The following LPIN3 variants were observed in gnomAD, a reference collection of about 807,000 sequenced individuals.
LPIN3 encodes phosphatidate phosphatase LPIN3.
LPIN3 carries 82 observed loss-of-function variants against 94.7 expected under a neutral mutation model. The ratio of observed to expected loss-of-function variants is 0.87; its 90% CI spans 0.72 to 1.04. LPIN3 has a LOEUF of 1.04. Ranked by LOEUF, LPIN3 falls within the 50% of genes least tolerant of loss-of-function variation. LPIN3 has a pLI of 0.00. For missense variants in LPIN3, 996 were observed against 1,090.5 expected (o/e 0.91, Z 1.22); for synonymous variants, 418 against 443.3 (o/e 0.94, Z 0.72).
At chr20:41,344,885 A>G (rs1387381822) in intron 1 of LPIN3, among the ~76,000 whole-genome samples, 2 of 152,216 alleles carry the variant, frequency 1.3e-5, no homozygotes, top group Non-Finnish European at 2.9e-5. Context: ...CGCTGGGGTC[A>G]GGCTGTGCAT....
chr20:41,343,868 T>C (rs2045674184), intron 1 of LPIN3, among the ~76,000 whole-genome samples: 1 of 152,170 alleles, frequency 6.6e-6, no homozygotes. Flanking sequence ...GAGACCAACG[T>C]GGGCAACATA....
chr20:41,351,945 T>A, intron 8 of LPIN3, 25 bp downstream of exon 8: 5 of 1,613,732 alleles, frequency 3.1e-6, no homozygotes, highest in Non-Finnish European at 4.2e-6. Flanking sequence ...GATGCCAGGG[T>A]GTCTTGGGTC....
chr20:41,356,233 A>G (rs2046204877), intron 14 of LPIN3, among the ~76,000 whole-genome samples, 199 bp downstream of exon 14: 1 of 152,158 alleles, frequency 6.6e-6, no homozygotes, highest in Non-Finnish European at 1.5e-5. Context: ...ATGACAGCCC[A>G]TTTGTCTGTC....
chr20:41,357,293 G>C (rs2046244236), intron 15 of LPIN3, 68 bp from the exon 16 acceptor site: 1 of 1,600,918 alleles, frequency 6.2e-7, no homozygotes, highest in African/African-American at 1.3e-5. Context: ...CTTCCTGGTG[G>C]GCCATCCTGG....
chr20:41,358,749 GCTC>G lies in LPIN3; in HGVS notation c.2443_2445del (p.Leu815del). 6.2e-7 allele frequency: 1 copy of G among 1,614,020 alleles called. No homozygotes were observed. Reference sequence around the variant, plus strand: ...ATGAGCGGCTTGGTGAAGTGGTCGAGCTCCTCTTCCCACCTGTGGCCCGTGGCC... The same window carrying G: ...ATGAGCGGCTTGGTGAAGTGGTCGAGCTCTTCCCACCTGTGGCCCGTGGCC... On this transcript the variant is annotated inframe_deletion, in exon 20 of 20. Coordinates refer to ENST00000373257, the MANE Select transcript of LPIN3 (RefSeq NM_022896.3).
Position 41,349,160 on chromosome 20 carries a change from C to A in LPIN3, c.626C>A (p.Pro209His), listed in dbSNP as rs759374029. Residue 209 changes from proline to histidine, a missense_variant, in exon 5 of 20, where the codon CCC (proline) becomes CAC (histidine). Transcript: ENST00000373257. ...DIYPYSDGEW[P>H]PQASLSAGEL... ...TACCCCTACTCGGATGGCGAGTGGC[C>A]CCCCCAGGCCAGGTAAGAGTCCAGG... 1 of 1,613,942 alleles carries A rather than the reference C, an allele frequency of 6.2e-7. No homozygotes were observed. The highest frequency in any genetic ancestry group is 8.5e-7 in the Non-Finnish European group (1 of 1,179,922).
chr20:41,354,969 GT>G (rs201790173), intron 13 of LPIN3, 106 bp downstream of exon 13: 94,739 of 826,334 alleles, frequency 0.11, 5,461 homozygotes, highest in East Asian at 0.52. Context: ...CCAGCTGTGG[GT>G]TTTTTTTTTT....
chr20:41,352,556 G>A lies in LPIN3; in HGVS notation c.1364-50G>A, dbSNP rs568765027. ...GGAGCACCAGGGGGCTGGGGCAGCG[G>A]GTCACATGGGATGTGCCAGCCTCAC... is the stretch of plus-strand genomic sequence containing the variant. On this transcript the variant is annotated intron_variant, in intron 9 of 19. Coordinates refer to ENST00000373257, the MANE Select transcript of LPIN3 (RefSeq NM_022896.3). The A allele has an allele frequency of 3.2e-4, 484 of 1,509,702 alleles. 5 individuals carry two copies. In the South Asian group the frequency reaches 5.1e-3, roughly 16 times the overall value. The allele number at this position is 1,509,702 out of a possible 1,614,324, so 93.5% of individuals were successfully genotyped here.
chr20:41,350,634 G>T (rs1264463580), intron 7 of LPIN3, among the ~76,000 whole-genome samples: 2 of 152,074 alleles, frequency 1.3e-5, no homozygotes, highest in African/African-American at 2.4e-5. Context: ...GTCAGAGAAG[G>T]CCCCTCCGAG....
chr20:41,348,811 T>G lies in LPIN3; in HGVS notation c.481T>G (p.Ser161Ala). 6.2e-7 allele frequency: 1 copy of G among 1,611,692 alleles called. No individual in the cohort carries two copies. The highest frequency in any genetic ancestry group is 8.5e-7 in the Non-Finnish European group (1 of 1,179,078). ...KQKEDAVATD[S>A]SPEELEAGAE... ...GAAAGAGGATGCAGTGGCAACTGAT[T>G]CTAGTCCAGAGGAACTGGAGGCAGG... Residue 161 changes from serine to alanine, a missense_variant, in exon 4 of 20, where the codon TCT becomes GCT. By Grantham distance (99) the Ser-to-Ala change is moderately conservative. Transcript: ENST00000373257.
In LPIN3 at chr20:41,354,509, C is replaced by A. The variant is rs556219469; in HGVS notation, c.1528-136C>A. 7.9e-4 allele frequency: 559 copies of A among 703,388 alleles called. No homozygotes were observed. In the African/African-American group the frequency reaches 9.0e-3, roughly 11 times the overall value. The allele number at this position is 703,388 out of a possible 1,614,324, so 43.6% of individuals were successfully genotyped here. ...GATGGAGGTGAGCACACTTCCTTGG[C>A]CTCCAGATGTTGACAGCACCTTACC... On this transcript the variant is annotated intron_variant, in intron 11 of 19. Coordinates refer to ENST00000373257, the MANE Select transcript of LPIN3 (RefSeq NM_022896.3).
At chr20:41,355,816 T>C (rs1600738091) in intron 13 of LPIN3, 80 bp from the exon 14 acceptor site, 1 of 1,562,372 alleles carries the variant, frequency 6.4e-7, no homozygotes, top group Non-Finnish European at 8.7e-7. Context: ...CGGGGACAGG[T>C]CCAGCCTCCT....
rs1278386713 is a variant in LPIN3 at position 41,352,079 on chromosome 20, A to G, written c.1222A>G (p.Arg408Gly). The G allele has an allele frequency of 1.2e-6, 2 of 1,614,116 alleles. No homozygotes were observed. Among genetic ancestry groups the G allele is most frequent in the African/African-American group, 2.7e-5 (2 of 74,946 alleles). Residue 408 changes from arginine to glycine, a missense_variant, in exon 9 of 20, where the codon AGA (arginine) becomes GGA (glycine). Coordinates refer to ENST00000373257, the MANE Select transcript of LPIN3 (RefSeq NM_022896.3). ...FPQSDSGLGA[R>G]RWSEPSSQKS... is the part of the protein sequence containing the mutation. Reference sequence around the variant, plus strand: ...CTGCAGTGACTCTGGGCTGGGGGCCAGAAGATGGAGTGAACCCAGCAGTCA... The same window carrying G: ...CTGCAGTGACTCTGGGCTGGGGGCCGGAAGATGGAGTGAACCCAGCAGTCA...
intron 10 of LPIN3, 32 bp downstream of exon 10, chr20:41,352,731 G>A (rs202069336): frequency 1.1e-5 from 18 of 1,611,034 alleles, no homozygotes; most frequent in Middle Eastern, 1.7e-4. Flanking sequence ...GCTGGCAGCC[G>A]GAGAGTCATT....
chr20:41,357,901 T>C lies in LPIN3; in HGVS notation c.2059T>C (p.Tyr687His). 2 of 1,614,140 alleles carry C rather than the reference T, an allele frequency of 1.2e-6. No homozygotes were observed. Among genetic ancestry groups the C allele is most frequent in the Admixed American group, 1.7e-5 (1 of 60,014 alleles). The part of the protein sequence containing the change: ...KIQLNGYKFL[Y>H]CSARAIGMAD... ...TCTCAGAAATGGGTACAAGTTCCTGTACTGCTCGGCGCGGGCCATTGGCAT... is the reference window on the plus strand; with the variant it reads ...TCTCAGAAATGGGTACAAGTTCCTGCACTGCTCGGCGCGGGCCATTGGCAT... The change falls in exon 17 of 20, where the codon TAC becomes CAC. Residue 687 changes from tyrosine to histidine, a missense_variant. Tyr to His is a moderately conservative substitution (Grantham distance 83). Coordinates refer to ENST00000373257, the MANE Select transcript of LPIN3 (RefSeq NM_022896.3).
rs11309750 is a variant in LPIN3, at chr20:41,351,078, CAAA to C, written c.1102+692_1102+694del. ...GCAATGTAGTGAGAACCCATCTCTA[CAAA>C]AAAAAAAAAATTTTTTTTTTAACTA... On this transcript the variant is annotated intron_variant, in intron 7 of 19. Coordinates refer to ENST00000373257, the MANE Select transcript of LPIN3 (RefSeq NM_022896.3). Among the ~76,000 whole-genome samples the C allele has an allele frequency of 5.3e-4, 74 of 139,354 alleles. 1 individual carries two copies. The highest frequency in any genetic ancestry group is 1.7e-3 in the African/African-American group (64 of 38,206). 91.4% of individuals were successfully genotyped at this position (139,354 alleles called of 152,430 possible). A position where few individuals can be genotyped will look rare whatever the true frequency, so the allele number is the denominator to read the frequency against.
Position 41,347,574 on chromosome 20 carries a change from A to T in LPIN3, c.215A>T (p.Glu72Val). 1.2e-6 allele frequency: 2 copies of T among 1,614,188 alleles called. No homozygotes were observed. The highest frequency in any genetic ancestry group is 1.7e-6 in the Non-Finnish European group (2 of 1,180,024). Residue 72 changes from glutamate (E) to valine (V), a missense_variant, in exon 3 of 20, where the codon GAG (glutamate) becomes GTG (valine). Physicochemically the swap from Glu to Val is moderately radical, Grantham distance 121. Transcript: ENST00000373257. ...EKVVDIELNG[E>V]PVDLHMKLGD... The stretch of plus-strand genomic sequence containing the variant: ...CAGGTAGACATTGAGCTCAATGGGG[A>T]GCCTGTGGACTTGCACATGAAGCTT...
rs1414543176 is a variant in LPIN3, at chr20:41,349,815, A to G, written c.680A>G (p.Glu227Gly). The G allele has an allele frequency of 6.2e-7, 1 of 1,613,474 alleles. No individual in the cohort carries two copies. Among genetic ancestry groups the G allele is most frequent in the East Asian group, 2.2e-5 (1 of 44,886 alleles). ...CTAACATCCCCTAAGAGCGACTCGG[A>G]GCTGGAGGTGCGGACCCCGGAGCCC... The part of the protein sequence containing the change: ...GELTSPKSDS[E>G]LEVRTPEPSP... Residue 227 changes from glutamate to glycine, a missense_variant, in exon 6 of 20, where the codon GAG (glutamate) becomes GGG (glycine). Transcript: ENST00000373257.
At position 41,346,254 on chromosome 20, in the gene LPIN3, A is replaced by G. The variant is rs150400595; in HGVS notation, c.192+259A>G. 5.2e-3 allele frequency among the ~76,000 whole-genome samples: 794 copies of G among 152,350 alleles called. 11 individuals carry two copies. The highest frequency in any genetic ancestry group is 0.018 in the African/African-American group (760 of 41,590). On this transcript the variant is annotated intron_variant, in intron 2 of 19. Transcript: ENST00000373257. ...GTGCTGGGGCCGTCAGACCTGGCTC[A>G]GCTTACTAAGACCTTACCTGTGTGT...
Sources: gnomAD v4.1 joint callset for allele counts (sites outside exome capture counted in the v4.1 genomes callset) on GRCh38, gnomAD v4.1.1 for gene constraint, MANE v1.5 for transcripts, NCBI Gene and HGNC (gene_info 2026-07-23, HGNC 2026-07-21) for gene names.